DAB2IP: variants seen among roughly 807,000 people sequenced by gnomAD.
DAB2IP encodes the protein DAB2 interacting protein, also known as disabled homolog 2-interacting protein.
DAB2IP carries 28 observed loss-of-function variants against 107.2 expected under a neutral mutation model. The ratio of observed to expected loss-of-function variants is 0.26; its 90% confidence interval spans 0.19 to 0.36. The LOEUF is 0.36. DAB2IP is among the 10% of genes least tolerant of loss of function. The probability of loss-of-function intolerance (pLI) is 1.00; values close to 1 mark genes in which losing one functional copy is unlikely to be tolerated. For synonymous variants in DAB2IP, 755 were observed against 706.4 expected (o/e 1.07, Z -1.09); for missense variants, 1,400 against 1,644.7 (o/e 0.85, Z 2.57).
At chr9:121,734,127 C>T (rs1282975141) in intron 3 of DAB2IP, among the ~76,000 whole-genome samples, 1 of 140,614 alleles carries the variant, frequency 7.1e-6, no homozygotes, top group Non-Finnish European at 1.5e-5. Context: ...CCTGTAATCC[C>T]AGCACTTTGG....
intron 11 of DAB2IP, 118 bp downstream of exon 11, chr9:121,770,842 C>T: frequency 1.5e-6 from 2 of 1,375,608 alleles, no homozygotes; most frequent in Non-Finnish European, 2.0e-6. Flanking sequence ...ACAAGCCTGG[C>T]AAGACTTGAG....
intron 1 of DAB2IP, among the ~76,000 whole-genome samples, chr9:121,645,752 G>T (rs563472793): frequency 6.6e-6 from 1 of 152,280 alleles, no homozygotes; most frequent in South Asian, 2.1e-4. Flanking sequence ...TTCTCTCAAG[G>T]TTCCTTCTAC....
At chr9:121,771,527 C>T (rs992842776) in intron 11 of DAB2IP, among the ~76,000 whole-genome samples, 3 of 152,106 alleles carry the variant, frequency 2.0e-5, no homozygotes, top group South Asian at 4.2e-4. Flanking sequence ...GATGCAGGTC[C>T]ACTGAGTCTT....
rs1450551832 is a variant in DAB2IP, at chr9:121,699,119, G to C, written c.229-206G>C. On this transcript the variant is annotated intron_variant, in intron 2 of 15. Transcript: ENST00000408936. The surrounding 1 kb of genome is among the most constrained non-coding windows in gnomAD (Gnocchi z 6.2). The stretch of plus-strand genomic sequence containing the variant: ...GGGGGCGACGTGGCGGGCGGGGTGG[G>C]CTGGGCCGCGCTGCGCGGGCCGGGC... Among the ~76,000 whole-genome samples, 2 of 146,014 alleles carry C rather than the reference G, an allele frequency of 1.4e-5. No individual in the cohort carries two copies. Among genetic ancestry groups the C allele is most frequent in the Admixed American group, 6.8e-5 (1 of 14,730 alleles).
At chr9:121,647,156 C>A (rs1257100956), upstream of DAB2IP, among the ~76,000 whole-genome samples, 1 of 152,138 alleles carries the variant, frequency 6.6e-6, no homozygotes, top group Non-Finnish European at 1.5e-5. Flanking sequence ...GTGCCCCACG[C>A]ATGAGCATCT....
In DAB2IP at chr9:121,579,164, T is replaced by C. The variant is rs1051939210; in HGVS notation, c.40+11936T>C. On this transcript the variant is annotated intron_variant, in intron 1 of 16. Coordinates refer to the DAB2IP transcript ENST00000259371. ...CAGTTTTCCCACCTGTGAGATGGGA[T>C]GGTTACCCTGGTACTCCTGTCACAG... Among the ~76,000 whole-genome samples the C allele has an allele frequency of 3.9e-5, 6 of 152,286 alleles. No homozygotes were observed. In the East Asian group the frequency reaches 9.6e-4, roughly 24 times the overall value.
chr9:121,732,520 G>C (rs1440795255), intron 3 of DAB2IP, among the ~76,000 whole-genome samples: 1 of 152,126 alleles, frequency 6.6e-6, no homozygotes, highest in East Asian at 1.9e-4. Context: ...GAGGGAGAAG[G>C]GGATCTGAGC....
At chr9:121,681,260 A>AC (rs926514334) in intron 2 of DAB2IP, among the ~76,000 whole-genome samples, 4 of 150,956 alleles carry the variant, frequency 2.6e-5, no homozygotes, top group East Asian at 1.9e-4. Flanking sequence ...ATTGCCCCAC[A>AC]CCCCCCCAGA....
At chr9:121,644,730 A>T (rs1473447671) in intron 1 of DAB2IP, among the ~76,000 whole-genome samples, 2 of 152,240 alleles carry the variant, frequency 1.3e-5, no homozygotes, top group Non-Finnish European at 2.9e-5. Flanking sequence ...CTCTTCCACA[A>T]CCTCACAAAA....
chr9:121,694,667 G>A (rs1829331498), intron 2 of DAB2IP, among the ~76,000 whole-genome samples: 1 of 152,032 alleles, frequency 6.6e-6, no homozygotes, highest in South Asian at 2.1e-4. Flanking sequence ...CCAGGCCTCT[G>A]ACCCCCACTC....
At chr9:121,710,348 G>C (rs1589559608) in intron 3 of DAB2IP, among the ~76,000 whole-genome samples, 2 of 152,326 alleles carry the variant, frequency 1.3e-5, no homozygotes, top group East Asian at 3.9e-4. Flanking sequence ...GGGGGCTGCT[G>C]TGGGTGCCCA....
chr9:121,603,445 AAG>A (rs1830758986), intron 1 of DAB2IP, among the ~76,000 whole-genome samples: 1 of 152,176 alleles, frequency 6.6e-6, no homozygotes, highest in Admixed American at 6.5e-5. Flanking sequence ...CATTTTATGA[AAG>A]AGGTCACTGG....
In DAB2IP at chr9:121,741,349, G is replaced by C. The variant is rs75401535; in HGVS notation, c.363-15664G>C. On this transcript the variant is annotated intron_variant, in intron 3 of 15. Transcript: ENST00000408936. The stretch of plus-strand genomic sequence containing the variant: ...CGGATCACATGCCATGACCACACGT[G>C]AGCATGGAAGACAAACCCAGAGAGG... 4.8e-3 allele frequency among the ~76,000 whole-genome samples: 726 copies of C among 152,318 alleles called. 11 individuals carry two copies. The highest frequency in any genetic ancestry group is 0.017 in the African/African-American group (706 of 41,578).
Position 121,712,079 on chromosome 9 carries a change from G to A in DAB2IP, c.362+12621G>A, listed in dbSNP as rs114538955. 3.9e-3 allele frequency among the ~76,000 whole-genome samples: 597 copies of A among 152,284 alleles called. 4 individuals carry two copies. The highest frequency in any genetic ancestry group is 0.013 in the African/African-American group (558 of 41,554). On this transcript the variant is annotated intron_variant, in intron 3 of 15. Coordinates refer to ENST00000408936, the Ensembl canonical transcript of DAB2IP. ...TGGGTTTGCCATGGATAGGTTTGCC[G>A]GAGCTCTTCCAGGGGAGCCGATGGT...
At chr9:121,597,280 T>A (rs1292819324) in intron 1 of DAB2IP, among the ~76,000 whole-genome samples, 1 of 152,320 alleles carries the variant, frequency 6.6e-6, no homozygotes, top group Non-Finnish European at 1.5e-5. Flanking sequence ...CTGGAACTGA[T>A]CTTTTATGCA....
rs191793714 is a variant in DAB2IP at position 121,706,880 on chromosome 9, A to G, written c.362+7422A>G. 3.9e-5 allele frequency among the ~76,000 whole-genome samples: 6 copies of G among 152,300 alleles called. 1 individual carries two copies. Among genetic ancestry groups the G allele is most frequent in the Non-Finnish European group, 8.8e-5 (6 of 68,022 alleles). On this transcript the variant is annotated intron_variant, in intron 3 of 15. Coordinates refer to ENST00000408936, the Ensembl canonical transcript of DAB2IP. Reference sequence around the variant, plus strand: ...GCAGCAGATATCCCCTCTGGGCCACAGGGGCGATGGGGTGAAAACCTACGG... The same window carrying G: ...GCAGCAGATATCCCCTCTGGGCCACGGGGGCGATGGGGTGAAAACCTACGG...
chr9:121,762,107 C>T (rs1277775618), intron 6 of DAB2IP, among the ~76,000 whole-genome samples: 1 of 152,184 alleles, frequency 6.6e-6, no homozygotes, highest in Non-Finnish European at 1.5e-5. Context: ...CCTAAGCCCC[C>T]ACCCCTGGAA....
exon 16 of DAB2IP, chr9:121,784,623 C>CTGTAA: frequency 6.5e-6 from 1 of 155,018 alleles, no homozygotes; most frequent in South Asian, 2.0e-4. Context: ...TGGTGTTTGA[C>CTGTAA]TGTAATGTAA....
intron 1 of DAB2IP, among the ~76,000 whole-genome samples, chr9:121,666,585 G>A (rs1270826251): frequency 2.0e-5 from 3 of 152,088 alleles, no homozygotes; most frequent in African/African-American, 2.4e-5. Flanking sequence ...ATCACACGCC[G>A]GGGCCTGTCG....
Sources: gnomAD v4.1 joint callset for allele counts (sites outside exome capture counted in the v4.1 genomes callset) on GRCh38, gnomAD v4.1.1 for gene constraint, Gnocchi (gnomAD v3.1) non-coding constraint, MANE v1.5 for transcripts, NCBI Gene and HGNC (gene_info 2026-07-23, HGNC 2026-07-21) for gene names.